The following GPATCH2 variants were observed in gnomAD, a reference collection of about 807,000 sequenced individuals.
GPATCH2 encodes G patch domain-containing protein 2.
A neutral mutation model predicts 58.0 loss-of-function variants in GPATCH2; 51 were observed. That is an observed-to-expected ratio of 0.88 (90% CI 0.70 to 1.11). GPATCH2 has a LOEUF of 1.11. Among genes scored for constraint, GPATCH2 ranks in the 50% most tolerant of loss-of-function variants. The pLI, the probability that GPATCH2 is intolerant of heterozygous loss-of-function variation, is 0.00. For synonymous variants in GPATCH2, 222 were observed against 218.5 expected (o/e 1.02, Z -0.14); for missense variants, 625 against 652.2 (o/e 0.96, Z 0.45).
intron 5 of GPATCH2, among the ~76,000 whole-genome samples, chr1:217,572,144 T>C (rs1666596168): frequency 6.6e-6 from 1 of 152,134 alleles, no homozygotes. Flanking sequence ...CTTTCATTTG[T>C]CTAATATCCT....
chr1:217,480,292 G>GAA (rs560432330), intron 8 of GPATCH2, among the ~76,000 whole-genome samples: 4 of 148,694 alleles, frequency 2.7e-5, no homozygotes, highest in African/African-American at 4.9e-5. Flanking sequence ...AACTCTACAG[G>GAA]AAAAAAAAAA....
intron 5 of GPATCH2, among the ~76,000 whole-genome samples, chr1:217,531,072 CTT>C (rs1202567307): frequency 1.1e-5 from 1 of 93,630 alleles, no homozygotes; most frequent in Non-Finnish European, 2.5e-5. Context: ...CACACACACA[CTT>C]TATTTAATTT....
chr1:217,491,729 G>A lies in GPATCH2; in HGVS notation c.1228C>T (p.Arg410Ter), dbSNP rs780186754. 1.6e-5 allele frequency: 23 copies of A among 1,469,804 alleles called. No homozygotes were observed. In the Middle Eastern group the frequency reaches 1.1e-3, roughly 68 times the overall value. 91.0% of individuals were successfully genotyped at this position (1,469,804 alleles called of 1,614,324 possible). Residue 410 changes from arginine (R) to a stop codon, truncating the protein, a stop_gained, in exon 8 of 10, where the codon CGA becomes TGA. Coordinates refer to ENST00000366935, the MANE Select transcript of GPATCH2 (RefSeq NM_018040.5). LOFTEE classifies it high-confidence loss of function. ...HDQHQLLRDN[R>*]AERGHKKNCS... ...TTTTTCTTGTGTCCTCTTTCAGCTC[G>A]ATTATCTCTCAGAAGCTGATGCTAC...
intron 6 of GPATCH2, among the ~76,000 whole-genome samples, chr1:217,507,526 G>C (rs1035697108): frequency 1.3e-5 from 2 of 152,092 alleles, no homozygotes; most frequent in African/African-American, 4.8e-5. Flanking sequence ...CTGAGTCTCA[G>C]TTTCTTCCTC....
At chr1:217,567,764 T>C (rs1267273477) in intron 5 of GPATCH2, among the ~76,000 whole-genome samples, 1 of 152,224 alleles carries the variant, frequency 6.6e-6, no homozygotes, top group Non-Finnish European at 1.5e-5. Flanking sequence ...ATTTTATACC[T>C]GTGCATGCCT....
At chr1:217,516,604 G>A (rs1038604827) in intron 5 of GPATCH2, among the ~76,000 whole-genome samples, 4 of 152,144 alleles carry the variant, frequency 2.6e-5, no homozygotes, top group Non-Finnish European at 5.9e-5. Context: ...CTGTGCCTAT[G>A]TCATGCTTTG....
chr1:217,531,891 G>A (rs1265813688), intron 5 of GPATCH2, among the ~76,000 whole-genome samples: 3 of 152,166 alleles, frequency 2.0e-5, no homozygotes, highest in Non-Finnish European at 4.4e-5. Flanking sequence ...TACAAAGCAA[G>A]AGGAGCATGT....
At chr1:217,602,913 G>T (rs1290284385) in intron 5 of GPATCH2, among the ~76,000 whole-genome samples, 3 of 151,986 alleles carry the variant, frequency 2.0e-5, no homozygotes, top group Non-Finnish European at 2.9e-5. Flanking sequence ...TTTATGAAGA[G>T]AATTTATTTA....
chr1:217,575,123 G>T (rs1449646189), intron 5 of GPATCH2, among the ~76,000 whole-genome samples: 1 of 152,138 alleles, frequency 6.6e-6, no homozygotes, highest in Admixed American at 6.6e-5. Flanking sequence ...TCATATCAAT[G>T]AGGAATAAAG....
chr1:217,576,266 C>A (rs1558497444), intron 5 of GPATCH2, among the ~76,000 whole-genome samples: 1 of 152,086 alleles, frequency 6.6e-6, no homozygotes, highest in African/African-American at 2.4e-5. Context: ...TGATGACACA[C>A]TATCTGGTAG....
At chr1:217,574,605 T>C (rs1380649029) in intron 5 of GPATCH2, among the ~76,000 whole-genome samples, 1 of 152,176 alleles carries the variant, frequency 6.6e-6, no homozygotes, top group Non-Finnish European at 1.5e-5. Context: ...AAAAACATTT[T>C]TGGGCACCTG....
In GPATCH2 at chr1:217,491,756, CAA is replaced by C; in HGVS notation, c.1207-8_1207-7del. 7.8e-7 allele frequency: 1 copy of C among 1,284,460 alleles called. No individual in the cohort carries two copies. Among genetic ancestry groups the C allele is most frequent in the Non-Finnish European group, 1.1e-6 (1 of 902,868 alleles). 79.6% of individuals were successfully genotyped at this position (1,284,460 alleles called of 1,614,324 possible). A position where few individuals can be genotyped will look rare whatever the true frequency, so the allele number is the denominator to read the frequency against. On this transcript the variant is annotated splice_polypyrimidine_tract_variant and splice_region_variant and intron_variant, in intron 7 of 9. Transcript: ENST00000366935. ...TTATCTCTCAGAAGCTGATGCTACACAAAGTGTTAAGACAAAGTCATAGAAAC... is the reference window on the plus strand; with the variant it reads ...TTATCTCTCAGAAGCTGATGCTACACAGTGTTAAGACAAAGTCATAGAAAC...
At chr1:217,502,914 C>T (rs576747213) in intron 6 of GPATCH2, among the ~76,000 whole-genome samples, 3 of 152,218 alleles carry the variant, frequency 2.0e-5, no homozygotes, top group African/African-American at 7.2e-5. Context: ...CTGTGAGGGA[C>T]AAATCAGCAT....
At chr1:217,624,199 G>A (rs1669336990) in intron 1 of GPATCH2, among the ~76,000 whole-genome samples, 1 of 151,970 alleles carries the variant, frequency 6.6e-6, no homozygotes, top group Non-Finnish European at 1.5e-5. Flanking sequence ...TTAACGTCAA[G>A]CTGCTTCACT....
intron 5 of GPATCH2, among the ~76,000 whole-genome samples, chr1:217,574,460 T>C (rs1016259006): frequency 3.3e-5 from 5 of 152,176 alleles, no homozygotes; most frequent in African/African-American, 1.2e-4. Context: ...AGGCTTGCAA[T>C]GCGGAATGAC....
chr1:217,552,610 T>C, intron 5 of GPATCH2, among the ~76,000 whole-genome samples: 1 of 152,262 alleles, frequency 6.6e-6, no homozygotes, highest in Non-Finnish European at 1.5e-5. Flanking sequence ...GTTCCAAAAA[T>C]AGGTTGAAAC....
chr1:217,500,167 C>T (rs1362695492), intron 6 of GPATCH2, among the ~76,000 whole-genome samples: 1 of 151,966 alleles, frequency 6.6e-6, no homozygotes, highest in African/African-American at 2.4e-5. Flanking sequence ...TTCTATGTAC[C>T]TGCCAGCCTT....
intron 6 of GPATCH2, among the ~76,000 whole-genome samples, chr1:217,511,347 C>A (rs1662841771): frequency 6.6e-6 from 1 of 152,020 alleles, no homozygotes; most frequent in Non-Finnish European, 1.5e-5. Flanking sequence ...TAAGAACCAG[C>A]AAAATAACCA....
intron 5 of GPATCH2, among the ~76,000 whole-genome samples, chr1:217,556,867 C>T (rs990442579): frequency 6.6e-6 from 1 of 152,184 alleles, no homozygotes; most frequent in African/African-American, 2.4e-5. Context: ...TTTGTACTGT[C>T]TGTTTTTAAT....
Sources: gnomAD v4.1 joint callset for allele counts (sites outside exome capture counted in the v4.1 genomes callset) on GRCh38, gnomAD v4.1.1 for gene constraint, MANE v1.5 for transcripts, NCBI Gene and HGNC (gene_info 2026-07-23, HGNC 2026-07-21) for gene names.